The following ZBTB7C variants were observed in gnomAD, a reference collection of about 807,000 sequenced individuals.
The protein encoded by ZBTB7C is zinc finger and BTB domain containing 7C.
In ZBTB7C, 8 loss-of-function variants were observed where a neutral mutation model predicts 25.7. The ratio of observed to expected loss-of-function variants is 0.31; its 90% CI spans 0.18 to 0.56. The LOEUF (loss-of-function observed/expected upper bound fraction) is 0.56. Ranked by LOEUF, ZBTB7C falls within the 20% of genes least tolerant of loss-of-function variation. ZBTB7C has a pLI of 0.91. For synonymous variants in ZBTB7C, 394 were observed against 369.0 expected, an observed-to-expected ratio of 1.07 and a Z score of -0.78; for missense variants, 824 against 855.2, an observed-to-expected ratio of 0.96 and a Z score of 0.46.
At chr18:48,223,538 A>G (rs1425625596) in intron 2 of ZBTB7C, among the ~76,000 whole-genome samples, 1 of 152,156 alleles carries the variant, frequency 6.6e-6, no homozygotes, top group Non-Finnish European at 1.5e-5. Flanking sequence ...GCACCTTACA[A>G]TGGGCTTTTT....
rs577650256 is a variant in ZBTB7C, at chr18:48,372,186, C to G, written c.-303-33788G>C. Reference sequence around the variant, plus strand: ...AAAGAATTTTGGAGCAGGAAGAGCCCTCACTGGACAATAGGAAGAGCCTCT... The same window carrying G: ...AAAGAATTTTGGAGCAGGAAGAGCCGTCACTGGACAATAGGAAGAGCCTCT... On this transcript the variant is annotated intron_variant, in intron 1 of 4. Transcript: ENST00000590800. Among the ~76,000 whole-genome samples, 5 of 152,330 alleles carry G rather than the reference C, an allele frequency of 3.3e-5. No homozygotes were observed. The East Asian group carries it at 9.6e-4, about 29-fold the overall frequency.
At chr18:48,253,218 A>G (rs2043920080) in intron 2 of ZBTB7C, among the ~76,000 whole-genome samples, 1 of 148,412 alleles carries the variant, frequency 6.7e-6, no homozygotes, top group Non-Finnish European at 1.5e-5. Flanking sequence ...AAAGAGAAAA[A>G]GAGAAAAAGA....
chr18:48,407,263 G>C (rs758488273), intron 1 of ZBTB7C, among the ~76,000 whole-genome samples: 1 of 152,184 alleles, frequency 6.6e-6, no homozygotes, highest in South Asian at 2.1e-4. Flanking sequence ...TATGGAAAGT[G>C]GGTGCTTCAG....
chr18:48,254,792 C>A (rs866922631), intron 2 of ZBTB7C, among the ~76,000 whole-genome samples: 1 of 152,202 alleles, frequency 6.6e-6, no homozygotes, highest in Non-Finnish European at 1.5e-5. Flanking sequence ...CCTCCCATCT[C>A]CTCATTCAGT....
chr18:48,059,882 C>G (rs142034954), intron 3 of ZBTB7C, among the ~76,000 whole-genome samples: 1 of 152,176 alleles, frequency 6.6e-6, no homozygotes, highest in Non-Finnish European at 1.5e-5. Flanking sequence ...TCCCCCCACC[C>G]GCCCAGGCAG....
chr18:48,325,623 G>A (rs973884097), intron 2 of ZBTB7C, among the ~76,000 whole-genome samples: 3 of 152,226 alleles, frequency 2.0e-5, no homozygotes, highest in Admixed American at 2.0e-4. Flanking sequence ...TACCCAGGGA[G>A]GTAAAGGATT....
At chr18:48,091,666 A>G (rs914209268) in intron 3 of ZBTB7C, among the ~76,000 whole-genome samples, 2 of 152,196 alleles carry the variant, frequency 1.3e-5, no homozygotes, top group Non-Finnish European at 2.9e-5. Context: ...TTCACTGTGC[A>G]GGTGAGGAGA....
intron 2 of ZBTB7C, among the ~76,000 whole-genome samples, chr18:48,247,859 G>A (rs2043739939): frequency 6.6e-6 from 1 of 152,170 alleles, no homozygotes; most frequent in Non-Finnish European, 1.5e-5. Flanking sequence ...CCACCCCCCT[G>A]CGAAGAGGTG....
At chr18:48,327,576 G>A (rs865889009) in intron 2 of ZBTB7C, among the ~76,000 whole-genome samples, 8 of 152,012 alleles carry the variant, frequency 5.3e-5, no homozygotes, top group Non-Finnish European at 1.0e-4. Flanking sequence ...TCCCAGCTTT[G>A]GCCCTAGTGC....
intron 2 of ZBTB7C, among the ~76,000 whole-genome samples, chr18:48,302,909 A>G (rs2045579591): frequency 6.6e-6 from 1 of 152,152 alleles, no homozygotes. Flanking sequence ...CACAATCCAA[A>G]TGCAGTCTCT....
intron 1 of ZBTB7C, among the ~76,000 whole-genome samples, chr18:48,355,669 T>C (rs67470106): frequency 0.17 from 25,145 of 152,256 alleles, 2,369 homozygotes; most frequent in African/African-American, 0.25. Flanking sequence ...AGGCTGTGTG[T>C]GTGCAGTGCA....
chr18:48,172,963 C>G (rs990746131), intron 3 of ZBTB7C, among the ~76,000 whole-genome samples: 1 of 152,214 alleles, frequency 6.6e-6, no homozygotes, highest in Admixed American at 6.5e-5. Flanking sequence ...CATGAACTCA[C>G]TGCAGAGTAA....
intron 3 of ZBTB7C, among the ~76,000 whole-genome samples, chr18:48,159,100 A>C (rs1365574226): frequency 2.0e-5 from 3 of 152,180 alleles, no homozygotes; most frequent in Admixed American, 2.0e-4. Context: ...AAGGAGCATA[A>C]CCACATTCTG....
At chr18:48,085,652 C>T (rs2038165366) in intron 3 of ZBTB7C, among the ~76,000 whole-genome samples, 1 of 152,204 alleles carries the variant, frequency 6.6e-6, no homozygotes, top group Non-Finnish European at 1.5e-5. Flanking sequence ...CAATTCCTGG[C>T]TGGCAGGAAG....
intron 1 of ZBTB7C, among the ~76,000 whole-genome samples, chr18:48,387,228 G>A (rs1254110905): frequency 1.3e-5 from 2 of 152,192 alleles, no homozygotes; most frequent in Non-Finnish European, 2.9e-5. Context: ...GGTCAAGAGT[G>A]GATTTGGAGG....
chr18:48,057,951 C>A (rs1365899577), intron 3 of ZBTB7C, among the ~76,000 whole-genome samples: 1 of 152,194 alleles, frequency 6.6e-6, no homozygotes, highest in Non-Finnish European at 1.5e-5. Flanking sequence ...GGTAATGTCC[C>A]CGTGGCCACA....
At chr18:48,270,665 G>A (rs2044456258) in intron 2 of ZBTB7C, among the ~76,000 whole-genome samples, 1 of 149,162 alleles carries the variant, frequency 6.7e-6, no homozygotes, top group African/African-American at 2.5e-5. Context: ...ACTCCAGCCT[G>A]GGCCACAGAG....
intron 2 of ZBTB7C, among the ~76,000 whole-genome samples, chr18:48,314,677 T>C (rs2045906743): frequency 6.6e-6 from 1 of 151,978 alleles, no homozygotes; most frequent in South Asian, 2.1e-4. Flanking sequence ...GAAATCCCCT[T>C]CAACAAGGGC....
intron 2 of ZBTB7C, among the ~76,000 whole-genome samples, chr18:48,258,555 T>C (rs12606236): frequency 0.095 from 14,469 of 152,218 alleles, 1,107 homozygotes; most frequent in African/African-American, 0.2. Flanking sequence ...GCCAGAAAAT[T>C]AAAGATCTAA....
Sources: gnomAD v4.1 joint callset for allele counts (sites outside exome capture counted in the v4.1 genomes callset) on GRCh38, gnomAD v4.1.1 for gene constraint, MANE v1.5 for transcripts, NCBI Gene and HGNC (gene_info 2026-07-23, HGNC 2026-07-21) for gene names.